The following SLC10A7 variants were observed in gnomAD, a reference collection of about 807,000 sequenced individuals.
SLC10A7 encodes the protein sodium/bile acid cotransporter 7.
A neutral mutation model predicts 43.2 loss-of-function variants in SLC10A7; 29 were observed. The observed-to-expected ratio is 0.67, with a 90% CI of 0.50 to 0.92. The LOEUF (loss-of-function observed/expected upper bound fraction) is 0.92. Among genes scored for constraint, SLC10A7 ranks in the 40% least tolerant of loss-of-function variants. The probability of loss-of-function intolerance (pLI) is 0.00; values close to 1 mark genes in which losing one functional copy is unlikely to be tolerated. For missense variants in SLC10A7, 295 were observed against 403.2 expected, an observed-to-expected ratio of 0.73 and a Z score of 2.30; for synonymous variants, 152 against 144.8, an observed-to-expected ratio of 1.05 and a Z score of -0.35.
At chr4:146,462,446 A>G (rs1359114079) in intron 4 of SLC10A7, among the ~76,000 whole-genome samples, 1 of 152,176 alleles carries the variant, frequency 6.6e-6, no homozygotes, top group Non-Finnish European at 1.5e-5. Context: ...GCTCAAGATC[A>G]CACAATGTCT....
intron 4 of SLC10A7, among the ~76,000 whole-genome samples, chr4:146,487,383 T>C (rs1735015001): frequency 6.6e-6 from 1 of 152,184 alleles, no homozygotes; most frequent in Non-Finnish European, 1.5e-5. Context: ...TGAGCTTCCT[T>C]GCACCCTAGA....
intron 3 of SLC10A7, among the ~76,000 whole-genome samples, chr4:146,509,118 C>T (rs770499916): frequency 9.9e-5 from 15 of 152,168 alleles, no homozygotes; most frequent in African/African-American, 3.6e-4. Flanking sequence ...TTTCACATAT[C>T]TCACTGTTTT....
At chr4:146,406,754 G>A (rs975420591) in intron 5 of SLC10A7, among the ~76,000 whole-genome samples, 10 of 152,080 alleles carry the variant, frequency 6.6e-5, no homozygotes, top group East Asian at 5.8e-4. Context: ...AGGCAGAGGC[G>A]GGAGGATCAC....
chr4:146,441,954 G>A (rs1055622148), intron 5 of SLC10A7: 2 of 981,568 alleles, frequency 2.0e-6, no homozygotes, highest in South Asian at 9.4e-5. Context: ...TCATGAACTA[G>A]TTTATACATC....
In SLC10A7 at chr4:146,480,855, A is replaced by C. The variant is rs138292037; in HGVS notation, c.396+22994T>G. 5.6e-3 allele frequency among the ~76,000 whole-genome samples: 848 copies of C among 152,194 alleles called. 3 individuals carry two copies. Among genetic ancestry groups the C allele is most frequent in the Non-Finnish European group, 9.6e-3 (651 of 68,010 alleles). On this transcript the variant is annotated intron_variant, in intron 4 of 11. Transcript: ENST00000335472. ...GATCTTTCTCTCCCACCAAAAAAAA[A>C]CCCAAAATAATGAATAAGCAACTGC...
chr4:146,445,100 G>T (rs1730926649), intron 4 of SLC10A7, among the ~76,000 whole-genome samples: 1 of 152,014 alleles, frequency 6.6e-6, no homozygotes, highest in Non-Finnish European at 1.5e-5. Context: ...TCCCTGCCTC[G>T]AATTTTACAT....
chr4:146,462,599 T>C (rs1272787645), intron 4 of SLC10A7, among the ~76,000 whole-genome samples: 2 of 152,202 alleles, frequency 1.3e-5, no homozygotes, highest in African/African-American at 4.8e-5. Flanking sequence ...GGAAATTGTA[T>C]AGACACACTA....
chr4:146,353,504 A>G (rs1735304602), intron 5 of SLC10A7, among the ~76,000 whole-genome samples: 2 of 108,296 alleles, frequency 1.8e-5, no homozygotes, highest in South Asian at 7.9e-4. Context: ...TCCAATCAAT[A>G]GAAAAAGAGG....
At chr4:146,407,501 TA>T (rs1727814261) in intron 5 of SLC10A7, among the ~76,000 whole-genome samples, 1 of 152,182 alleles carries the variant, frequency 6.6e-6, no homozygotes, top group African/African-American at 2.4e-5. Flanking sequence ...AGCAGATAAT[TA>T]AAACTTTATA....
Position 146,348,092 on chromosome 4 carries a change from G to A in SLC10A7, c.436-22096C>T, listed in dbSNP as rs548861484. On this transcript the variant is annotated intron_variant, in intron 5 of 11. Transcript: ENST00000335472. ...TATATTCCAGGAAAAATAACTAATG[G>A]GGGTCACCAAGCTCTAACCTCTCTG... is the stretch of plus-strand genomic sequence containing the variant. 2.7e-3 allele frequency among the ~76,000 whole-genome samples: 406 copies of A among 152,170 alleles called. 1 individual carries two copies. The highest frequency in any genetic ancestry group is 9.2e-3 in the African/African-American group (381 of 41,530).
chr4:146,292,782 GA>G, intron 9 of SLC10A7, 146 bp downstream of exon 9: 1 of 565,720 alleles, frequency 1.8e-6, no homozygotes, highest in African/African-American at 1.9e-5. Context: ...GAAGGTGGCA[GA>G]AGGGAGGCAG....
chr4:146,319,757 T>C (rs1344276394), intron 6 of SLC10A7, among the ~76,000 whole-genome samples: 3 of 152,060 alleles, frequency 2.0e-5, no homozygotes, highest in Non-Finnish European at 4.4e-5. Context: ...TTTTAAGATG[T>C]GTAATATTAC....
At chr4:146,260,714 A>G (rs10519786) in intron 10 of SLC10A7, among the ~76,000 whole-genome samples, 9,674 of 152,270 alleles carry the variant, frequency 0.064, 427 homozygotes, top group South Asian at 0.21. Flanking sequence ...CTGAATTTCC[A>G]GTTCTCCATA....
intron 5 of SLC10A7, among the ~76,000 whole-genome samples, chr4:146,331,538 AT>A (rs1733535078): frequency 6.6e-6 from 1 of 152,110 alleles, no homozygotes; most frequent in South Asian, 2.1e-4. Flanking sequence ...GGTAACCCCC[AT>A]TTTTATAATC....
At chr4:146,511,194 C>G (rs987780958) in intron 2 of SLC10A7, among the ~76,000 whole-genome samples, 2 of 152,116 alleles carry the variant, frequency 1.3e-5, no homozygotes, top group African/African-American at 4.8e-5. Context: ...AGAAACCAGG[C>G]ACACGTTATG....
In SLC10A7 at chr4:146,474,133, A is replaced by G. The variant is rs80126073; in HGVS notation, c.396+29716T>C. On this transcript the variant is annotated intron_variant, in intron 4 of 11. Coordinates refer to ENST00000335472, the MANE Select transcript of SLC10A7 (RefSeq NM_001029998.6). ...CCTGAGGAAAAGTCAAATAAAAGAGAAAAAAAAAAAACTAGAAGAATTTTT... is the reference window on the plus strand; with the variant it reads ...CCTGAGGAAAAGTCAAATAAAAGAGGAAAAAAAAAAACTAGAAGAATTTTT... Among the ~76,000 whole-genome samples, 394 of 72,806 alleles carry G rather than the reference A, an allele frequency of 5.4e-3. 1 individual carries two copies. Among genetic ancestry groups the G allele is most frequent in the South Asian group, 0.021 (40 of 1,902 alleles). 47.8% of individuals were successfully genotyped at this position (72,806 alleles called of 152,430 possible). A position where few individuals can be genotyped will look rare whatever the true frequency, so the allele number is the denominator to read the frequency against.
intron 4 of SLC10A7, among the ~76,000 whole-genome samples, chr4:146,448,998 G>T (rs1383556012): frequency 6.6e-6 from 1 of 152,208 alleles, no homozygotes; most frequent in Non-Finnish European, 1.5e-5. Context: ...GGGGTAGAGG[G>T]TGATATCTAC....
intron 5 of SLC10A7, among the ~76,000 whole-genome samples, chr4:146,352,787 C>G (rs1205298774): frequency 1.5e-5 from 2 of 137,326 alleles, no homozygotes; most frequent in Non-Finnish European, 3.1e-5. Flanking sequence ...TGAATGACTA[C>G]TGGGTACATA....
chr4:146,351,865 TA>T (rs1735140650), intron 5 of SLC10A7, among the ~76,000 whole-genome samples: 1 of 129,018 alleles, frequency 7.8e-6, no homozygotes, highest in Non-Finnish European at 1.6e-5. Flanking sequence ...AGGCCTGCCC[TA>T]AAAGAGCTCC....
Sources: gnomAD v4.1 joint callset for allele counts (sites outside exome capture counted in the v4.1 genomes callset) on GRCh38, gnomAD v4.1.1 for gene constraint, MANE v1.5 for transcripts, NCBI Gene and HGNC (gene_info 2026-07-23, HGNC 2026-07-21) for gene names.